PLXDC2: variants seen among roughly 807,000 people sequenced by gnomAD.
The protein encoded by PLXDC2 is plexin domain containing 2, also known as plexin domain-containing protein 2.
Under a neutral mutation model 68.9 loss-of-function variants are expected in PLXDC2, and 40 were observed. The ratio of observed to expected loss-of-function variants is 0.58; its 90% CI spans 0.45 to 0.76. The LOEUF (loss-of-function observed/expected upper bound fraction) is 0.76, where lower values mean the gene tolerates loss of function less well. Ranked by LOEUF, PLXDC2 falls within the 30% of genes least tolerant of loss-of-function variation. PLXDC2 has a pLI of 0.00. For synonymous variants in PLXDC2, 243 were observed against 234.2 expected, an observed-to-expected ratio of 1.04 and a Z score of -0.34; for missense variants, 644 against 661.9, an observed-to-expected ratio of 0.97 and a Z score of 0.30.
intron 13 of PLXDC2, among the ~76,000 whole-genome samples, chr10:20,252,629 T>G (rs892232987): frequency 6.6e-6 from 1 of 152,202 alleles, no homozygotes; most frequent in Non-Finnish European, 1.5e-5. Context: ...GAAGGCTGGA[T>G]AAGTTGACCA....
intron 1 of PLXDC2, among the ~76,000 whole-genome samples, chr10:19,886,488 T>G (rs914344006): frequency 6.6e-6 from 1 of 152,192 alleles, no homozygotes; most frequent in Non-Finnish European, 1.5e-5. Context: ...AGTCAATAAA[T>G]GTAATCCAGC....
At chr10:19,827,173 C>A (rs1176942624) in intron 1 of PLXDC2, among the ~76,000 whole-genome samples, 2 of 152,146 alleles carry the variant, frequency 1.3e-5, no homozygotes, top group Admixed American at 1.3e-4. Flanking sequence ...AAAGATAAAT[C>A]CTGAAATAAG....
chr10:20,145,029 A>G (rs956807979), intron 5 of PLXDC2, among the ~76,000 whole-genome samples: 1 of 152,216 alleles, frequency 6.6e-6, no homozygotes, highest in African/African-American at 2.4e-5. Context: ...GACTGTGGCT[A>G]TAAGAAATCA....
chr10:20,173,422 C>A (rs1473575629), intron 7 of PLXDC2, among the ~76,000 whole-genome samples: 1 of 152,080 alleles, frequency 6.6e-6, no homozygotes, highest in South Asian at 2.1e-4. Context: ...GCTAATCATG[C>A]CTCAAGGTAC....
chr10:19,929,607 A>G (rs1833593682), intron 1 of PLXDC2, among the ~76,000 whole-genome samples: 1 of 152,192 alleles, frequency 6.6e-6, no homozygotes, highest in Non-Finnish European at 1.5e-5. Context: ...GTGCCAACAC[A>G]CACAGGATTG....
At chr10:20,236,881 T>A (rs1835439650) in intron 12 of PLXDC2, among the ~76,000 whole-genome samples, 1 of 152,134 alleles carries the variant, frequency 6.6e-6, no homozygotes. Flanking sequence ...TATCATTTGG[T>A]GATTGTTATC....
At chr10:20,170,726 C>T (rs1834436783) in intron 7 of PLXDC2, among the ~76,000 whole-genome samples, 1 of 152,008 alleles carries the variant, frequency 6.6e-6, no homozygotes, top group Non-Finnish European at 1.5e-5. Flanking sequence ...TGCAATATGA[C>T]TAGTGAGCCT....
chr10:19,997,633 C>T (rs1028281358), intron 1 of PLXDC2, among the ~76,000 whole-genome samples: 1 of 152,124 alleles, frequency 6.6e-6, no homozygotes, highest in African/African-American at 2.4e-5. Flanking sequence ...TAGAATAATA[C>T]ATAAACATAT....
At chr10:20,018,856 G>A (rs1021884928) in intron 2 of PLXDC2, among the ~76,000 whole-genome samples, 1 of 152,130 alleles carries the variant, frequency 6.6e-6, no homozygotes, top group South Asian at 2.1e-4. Flanking sequence ...ATAAACAAAT[G>A]AGGTTAAGTT....
At chr10:20,022,041 A>G (rs1474744398) in intron 2 of PLXDC2, among the ~76,000 whole-genome samples, 1 of 152,162 alleles carries the variant, frequency 6.6e-6, no homozygotes, top group Non-Finnish European at 1.5e-5. Flanking sequence ...TGAACTTTCA[A>G]TTGTACTCAG....
intron 1 of PLXDC2, among the ~76,000 whole-genome samples, chr10:19,969,171 CAT>C (rs1182677762): frequency 2.6e-5 from 4 of 152,168 alleles, no homozygotes; most frequent in South Asian, 2.1e-4. Flanking sequence ...AGATCAGAAA[CAT>C]GTGATGGAAG....
At chr10:19,877,294 G>T (rs1589514688) in intron 1 of PLXDC2, among the ~76,000 whole-genome samples, 1 of 151,924 alleles carries the variant, frequency 6.6e-6, no homozygotes, top group Non-Finnish European at 1.5e-5. Context: ...TAGCAAACTG[G>T]GACTTGACAA....
At position 19,861,620 on chromosome 10, in the gene PLXDC2, C is replaced by G. The variant is rs143715043; in HGVS notation, c.112+44429C>G. Among the ~76,000 whole-genome samples the G allele has an allele frequency of 6.8e-3, 1,042 of 152,228 alleles. 15 individuals are homozygous for G. Among genetic ancestry groups the G allele is most frequent in the African/African-American group, 0.024 (997 of 41,530 alleles). Reference sequence around the variant, plus strand: ...GGTACTATCCTCTCTCATATATATTCCTATTCTTTTCATTCATGGTTCCCT... The same window carrying G: ...GGTACTATCCTCTCTCATATATATTGCTATTCTTTTCATTCATGGTTCCCT... On this transcript the variant is annotated intron_variant, in intron 1 of 13. Transcript: ENST00000377252.
At chr10:19,840,177 T>C (rs1589494676) in intron 1 of PLXDC2, among the ~76,000 whole-genome samples, 1 of 152,132 alleles carries the variant, frequency 6.6e-6, no homozygotes, top group Non-Finnish European at 1.5e-5. Context: ...TTAATATCTA[T>C]ATATAGTTGT....
Position 20,164,448 on chromosome 10 carries a change from C to T in PLXDC2, c.784-20C>T. On this transcript the variant is annotated intron_variant, in intron 6 of 13. Coordinates refer to ENST00000377252, the MANE Select transcript of PLXDC2 (RefSeq NM_032812.9). ...GAAATTCAGATCTAACATATAGTTA[C>T]CTGCTTTGTTTTTTTCCAGATTCCT... The T allele has an allele frequency of 1.3e-6, 2 of 1,575,584 alleles. No homozygotes were observed. Among genetic ancestry groups the T allele is most frequent in the Non-Finnish European group, 8.7e-7 (1 of 1,145,370 alleles).
rs1835803075 is a variant in PLXDC2, at chr10:20,046,602, T to A, written c.325-267T>A. Among the ~76,000 whole-genome samples the A allele has an allele frequency of 2.0e-5, 3 of 152,110 alleles. No homozygotes were observed. The South Asian group carries it at 6.2e-4, about 31-fold the overall frequency. On this transcript the variant is annotated intron_variant, in intron 2 of 13. Transcript: ENST00000377252. ...CATTTTATTTTATCTGATTAGCACT[T>A]AGATAATAAATGAACTAGACAAAAT...
chr10:19,910,168 T>TTATATATATATATATATATATATA (rs3043811), intron 1 of PLXDC2, among the ~76,000 whole-genome samples: 3 of 145,210 alleles, frequency 2.1e-5, no homozygotes, highest in African/African-American at 7.6e-5. Flanking sequence ...TTGTACACTT[T>TTATATATATATATATATATATATA]TATATATATA....
rs139699101 is a variant in PLXDC2, at chr10:19,861,959, C to A, written c.112+44768C>A. 9.3e-3 allele frequency among the ~76,000 whole-genome samples: 1,410 copies of A among 152,234 alleles called. 10 individuals are homozygous for A. The highest frequency in any genetic ancestry group is 0.016 in the Non-Finnish European group (1,066 of 68,014). Reference sequence around the variant, plus strand: ...GATTAACAAGTAGGATTGATTTCAACCACCTAGGGAAAAGCCAGCTCATTT... The same window carrying A: ...GATTAACAAGTAGGATTGATTTCAAACACCTAGGGAAAAGCCAGCTCATTT... On this transcript the variant is annotated intron_variant, in intron 1 of 13. Transcript: ENST00000377252.
intron 1 of PLXDC2, among the ~76,000 whole-genome samples, chr10:19,939,548 C>T (rs1347176147): frequency 4.6e-5 from 7 of 152,074 alleles, no homozygotes; most frequent in African/African-American, 7.2e-5. Flanking sequence ...TCTAGCTACA[C>T]GTTTAAACTT....
Sources: gnomAD v4.1 joint callset for allele counts (sites outside exome capture counted in the v4.1 genomes callset) on GRCh38, gnomAD v4.1.1 for gene constraint, MANE v1.5 for transcripts, NCBI Gene and HGNC (gene_info 2026-07-23, HGNC 2026-07-21) for gene names.